GCH1: variants seen among roughly 807,000 people sequenced by gnomAD.
GCH1 encodes the protein GTP cyclohydrolase 1.
In GCH1, 5 loss-of-function variants were observed where a neutral mutation model predicts 25.9. The ratio of observed to expected loss-of-function variants is 0.19; its 90% CI spans 0.10 to 0.41. GCH1 has a LOEUF of 0.41. GCH1 is among the 10% of genes least tolerant of loss of function. The pLI is 1.00. For synonymous variants in GCH1, 159 were observed against 129.6 expected, an observed-to-expected ratio of 1.23 and a Z score of -1.54; for missense variants, 261 against 336.5, an observed-to-expected ratio of 0.78 and a Z score of 1.75.
At chr14:54,856,572 C>T (rs556970639) in intron 3 of GCH1, among the ~76,000 whole-genome samples, 26 of 152,266 alleles carry the variant, frequency 1.7e-4, no homozygotes, top group African/African-American at 6.3e-4. Context: ...TCCATCTCAG[C>T]CTCCGAAGTA....
chr14:54,865,493 T>C (rs975631986), intron 1 of GCH1, 57 bp from the exon 2 acceptor site: 3 of 812,068 alleles, frequency 3.7e-6, no homozygotes. Flanking sequence ...GGTAGAATTA[T>C]GGATAAACAT....
At position 54,842,188 on chromosome 14, in the gene GCH1, A is replaced by C. The variant is rs1475956200; in HGVS notation, c.*1829T>G. 6.6e-6 allele frequency: 1 copy of C among 152,586 alleles called. No homozygotes were observed. The highest frequency in any genetic ancestry group is 1.5e-5 in the Non-Finnish European group (1 of 68,042). The allele number at this position is 152,586 out of a possible 1,614,324, so 9.5% of individuals were successfully genotyped here. A position where few individuals can be genotyped will look rare whatever the true frequency, so the allele number is the denominator to read the frequency against. On this transcript the variant is annotated 3_prime_UTR_variant, in exon 6 of 6. Transcript: ENST00000491895. The stretch of plus-strand genomic sequence containing the variant: ...ATGAAAAGGTAATTTTGAAGTACTA[A>C]AGACTAGAGTAAAACAGACAAAGTC...
chr14:54,888,673 C>T (rs935117279), intron 1 of GCH1, among the ~76,000 whole-genome samples: 11 of 137,662 alleles, frequency 8.0e-5, no homozygotes, highest in African/African-American at 2.4e-4. Context: ...CAACCACGCC[C>T]GGCTAATTTT....
intron 1 of GCH1, among the ~76,000 whole-genome samples, chr14:54,880,805 TACTCC>T (rs1566677318): frequency 1.8e-5 from 1 of 55,130 alleles, no homozygotes; most frequent in African/African-American, 1.6e-4. Context: ...TATATATATA[TACTCC>T]ATATATATAT....
At chr14:54,868,039 C>T (rs1027441099) in intron 1 of GCH1, among the ~76,000 whole-genome samples, 2 of 152,108 alleles carry the variant, frequency 1.3e-5, no homozygotes, top group Admixed American at 6.6e-5. Flanking sequence ...ATCACCTCTG[C>T]GGTATTCTTC....
At chr14:54,891,159 G>C (rs1197215680) in intron 1 of GCH1, among the ~76,000 whole-genome samples, 1 of 152,156 alleles carries the variant, frequency 6.6e-6, no homozygotes, top group Non-Finnish European at 1.5e-5. Context: ...TTGGAGTGTA[G>C]TGGCACAATC....
At chr14:54,891,052 T>C (rs1343112521) in intron 1 of GCH1, among the ~76,000 whole-genome samples, 1 of 152,218 alleles carries the variant, frequency 6.6e-6, no homozygotes, top group Non-Finnish European at 1.5e-5. Context: ...TCAAACATGG[T>C]CTGAAAATAC....
intron 1 of GCH1, among the ~76,000 whole-genome samples, chr14:54,877,494 T>G (rs934980917): frequency 6.6e-6 from 1 of 151,934 alleles, no homozygotes; most frequent in Non-Finnish European, 1.5e-5. Flanking sequence ...CAAGCCCAAG[T>G]GCTTTTTTTT....
intron 3 of GCH1, among the ~76,000 whole-genome samples, chr14:54,858,163 T>C (rs2039840646): frequency 6.6e-6 from 1 of 151,552 alleles, no homozygotes; most frequent in Non-Finnish European, 1.5e-5. Flanking sequence ...CAACACAGAA[T>C]TGAGAAATAT....
intron 1 of GCH1, among the ~76,000 whole-genome samples, chr14:54,883,303 C>T (rs928945367): frequency 3.6e-5 from 5 of 138,800 alleles, no homozygotes; most frequent in African/African-American, 1.3e-4. Flanking sequence ...ACCCGAGAAG[C>T]GGAGTTTGCA....
intron 1 of GCH1, among the ~76,000 whole-genome samples, chr14:54,887,261 C>G (rs150059827): frequency 6.6e-6 from 1 of 152,312 alleles, no homozygotes; most frequent in East Asian, 1.9e-4. Context: ...AATTAGAAGT[C>G]TTTAAATCTT....
intron 3 of GCH1, among the ~76,000 whole-genome samples, chr14:54,851,347 G>A (rs2039727609): frequency 6.6e-6 from 1 of 152,124 alleles, no homozygotes; most frequent in Non-Finnish European, 1.5e-5. Flanking sequence ...AAAAGCAATG[G>A]CAACAAAAGC....
At chr14:54,880,360 TAA>T (rs2040228429) in intron 1 of GCH1, among the ~76,000 whole-genome samples, 1 of 143,994 alleles carries the variant, frequency 6.9e-6, no homozygotes, top group Non-Finnish European at 1.5e-5. Context: ...TAATATATTA[TAA>T]AATATATATT....
chr14:54,898,709 T>C (rs1211496913), intron 1 of GCH1, among the ~76,000 whole-genome samples: 1 of 152,202 alleles, frequency 6.6e-6, no homozygotes, highest in Non-Finnish European at 1.5e-5. Flanking sequence ...AACCTCCACC[T>C]TCTGGGTTCA....
intron 2 of GCH1, among the ~76,000 whole-genome samples, chr14:54,863,421 CAAAAAAAAAAAA>C (rs755639452): frequency 6.0e-4 from 5 of 8,338 alleles, no homozygotes; most frequent in African/African-American, 2.9e-3. Context: ...GACTCCGTCT[CAAAAAAAAAAAA>C]AAAAAAAAAA....
At chr14:54,892,520 C>A (rs752213927) in intron 1 of GCH1, among the ~76,000 whole-genome samples, 1 of 152,040 alleles carries the variant, frequency 6.6e-6, no homozygotes, top group Non-Finnish European at 1.5e-5. Flanking sequence ...GAAACCCAGT[C>A]TCTACTAAAA....
chr14:54,852,520 G>A (rs1022236838), intron 3 of GCH1, among the ~76,000 whole-genome samples: 6 of 152,254 alleles, frequency 3.9e-5, no homozygotes, highest in South Asian at 2.1e-4. Context: ...ATCACCTAAC[G>A]TGTGCATCTT....
chr14:54,862,119 C>A (rs1356065115), intron 2 of GCH1, among the ~76,000 whole-genome samples: 1 of 152,108 alleles, frequency 6.6e-6, no homozygotes, highest in Non-Finnish European at 1.5e-5. Flanking sequence ...ACCTGAAACT[C>A]CTGAGCTCAA....
At chr14:54,862,878 C>T (rs2039926103) in intron 2 of GCH1, among the ~76,000 whole-genome samples, 1 of 152,070 alleles carries the variant, frequency 6.6e-6, no homozygotes, top group Admixed American at 6.6e-5. Flanking sequence ...CTCTGCTGAA[C>T]AGCTGGCCTA....
Sources: gnomAD v4.1 joint callset for allele counts (sites outside exome capture counted in the v4.1 genomes callset) on GRCh38, gnomAD v4.1.1 for gene constraint, MANE v1.5 for transcripts, NCBI Gene and HGNC (gene_info 2026-07-23, HGNC 2026-07-21) for gene names.